The following ZNF780A variants were observed in gnomAD, a reference collection of about 807,000 sequenced individuals.
ZNF780A encodes zinc finger protein 780A.
In ZNF780A, 40 loss-of-function variants were observed where a neutral mutation model predicts 56.7. The ratio of observed to expected loss-of-function variants is 0.71; its 90% confidence interval spans 0.55 to 0.92. The LOEUF is 0.92. ZNF780A is among the 40% of genes least tolerant of loss of function. The pLI, the probability that ZNF780A is intolerant of heterozygous loss-of-function variation, is 0.00. For synonymous variants in ZNF780A, 231 were observed against 248.3 expected (o/e 0.93, Z 0.66); for missense variants, 672 against 783.3 (o/e 0.86, Z 1.70).
Position 40,074,433 on chromosome 19 carries a change from C to G in ZNF780A, c.*83G>C, listed in dbSNP as rs1973954801. ...AAGCCTTTCCCACACCCCTTACATTCACATGGTTTTACACCAGCACGAATA... is the reference window on the plus strand; with the variant it reads ...AAGCCTTTCCCACACCCCTTACATTGACATGGTTTTACACCAGCACGAATA... On this transcript the variant is annotated 3_prime_UTR_variant, in exon 6 of 6. Transcript: ENST00000683561. 1 of 1,575,718 alleles carries G rather than the reference C, an allele frequency of 6.3e-7. No homozygotes were observed. The highest frequency in any genetic ancestry group is 1.2e-5 in the South Asian group (1 of 83,248).
In ZNF780A at chr19:40,087,846, A is replaced by T. The variant is rs78186628; in HGVS notation, c.-46+2320T>A. ...AAAGAAACAGAATAGAGAGGCCCAG[A>T]ATAAATCCATATATTTATAACCAAC... On this transcript the variant is annotated intron_variant, in intron 2 of 5. Transcript: ENST00000683561. Among the ~76,000 whole-genome samples the T allele has an allele frequency of 7.6e-4, 116 of 152,334 alleles. No homozygotes were observed. The East Asian group carries it at 0.02, about 26-fold the overall frequency.
At position 40,075,393 on chromosome 19, in the gene ZNF780A, C is replaced by T. The variant is rs920658723; in HGVS notation, c.1049G>A (p.Arg350Gln). Residue 350 changes from arginine (R) to glutamine (Q), a missense_variant, in exon 6 of 6, where the codon CGA becomes CAA. Transcript: ENST00000683561. ...CTCACCAGTATGAATCTTCTGATGT[C>T]GAACAAGCTTTGTCAGAAGAGTAAA... ...KAFTLLTKLV[R>Q]HQKIHTGEKP... 19 of 1,613,846 alleles carry T rather than the reference C, an allele frequency of 1.2e-5. No individual in the cohort carries two copies. Among genetic ancestry groups the T allele is most frequent in the African/African-American group, 8.0e-5 (6 of 74,840 alleles).
chr19:40,084,586 C>A (rs1974675471), intron 3 of ZNF780A, among the ~76,000 whole-genome samples, 159 bp downstream of exon 3: 1 of 151,804 alleles, frequency 6.6e-6, no homozygotes, highest in Non-Finnish European at 1.5e-5. Flanking sequence ...ATAGGAAGAG[C>A]AGTGACTTTT....
chr19:40,080,786 C>T (rs1367630181), intron 5 of ZNF780A, among the ~76,000 whole-genome samples: 1 of 151,864 alleles, frequency 6.6e-6, no homozygotes, highest in Non-Finnish European at 1.5e-5. Context: ...TGCAATTTAC[C>T]CATATAAAAA....
rs779206515 is a variant in ZNF780A, at chr19:40,074,927, C to A, written c.1515G>T (p.Glu505Asp). Residue 505 changes from glutamate to aspartate, a missense_variant, in exon 6 of 6, where the codon GAG becomes GAT. By Grantham distance (45) the Glu-to-Asp change is conservative. Coordinates refer to ENST00000683561, the MANE Select transcript of ZNF780A (RefSeq NM_001142578.2). ...HTGEKPYECK[E>D]CGKAFRLYLQ... ...GGTAAAGTCTAAAAGCCTTCCCACA[C>A]TCCTTACATTCATAGGGCTTCTCAC... 1 of 1,613,856 alleles carries A rather than the reference C, an allele frequency of 6.2e-7. No individual in the cohort carries two copies. The highest frequency in any genetic ancestry group is 2.2e-5 in the East Asian group (1 of 44,796).
rs766511036 is a variant in ZNF780A, at chr19:40,075,353, G to C, written c.1089C>G (p.Cys363Trp). ...GACTAAAGGCCTTCCCACATTCCCT[G>C]CATTCAAAGGGTTTCTCACCAGTAT... is the stretch of plus-strand genomic sequence containing the variant. The part of the protein sequence containing the change: ...KIHTGEKPFE[C>W]RECGKAFSLL... Residue 363 changes from cysteine (C) to tryptophan (W), a missense_variant, in exon 6 of 6, where the codon TGC (cysteine) becomes TGG (tryptophan). Physicochemically the swap from Cys to Trp is radical, Grantham distance 215. Transcript: ENST00000683561. The C allele has an allele frequency of 6.2e-7, 1 of 1,612,888 alleles. No individual in the cohort carries two copies.
At chr19:40,085,966 G>A (rs991602323) in intron 2 of ZNF780A, among the ~76,000 whole-genome samples, 1 of 150,130 alleles carries the variant, frequency 6.7e-6, no homozygotes, top group Non-Finnish European at 1.5e-5. Flanking sequence ...ATATATATAT[G>A]TGTGTGTGTA....
rs768402180 is a variant in ZNF780A at position 40,083,104 on chromosome 19, A to G, written c.136+7T>C. ...ATATAAAAATAGCTGGGACTCAACG[A>G]CCTTACCCAGTGAGATCAGGTGGCT... On this transcript the variant is annotated splice_region_variant and intron_variant, in intron 4 of 5. Transcript: ENST00000683561. 1 of 1,614,190 alleles carries G rather than the reference A, an allele frequency of 6.2e-7. No individual in the cohort carries two copies.
rs778701160 is a variant in ZNF780A, at chr19:40,081,836, G to C, written c.215C>G (p.Thr72Arg). 1.2e-6 allele frequency: 2 copies of C among 1,611,692 alleles called. No homozygotes were observed. The highest frequency in any genetic ancestry group is 1.7e-5 in the Admixed American group (1 of 59,936). Reference protein sequence around the residue: ...KEPWMVVRKETSRRYPDLELK... With the variant: ...KEPWMVVRKERSRRYPDLELK... ...TCACTTACCTGGATACCGTCTGCTT[G>C]TTTCTTTCCTTACAACCATCCAGGG... The change falls in exon 5 of 6, where the codon ACA (threonine) becomes AGA (arginine). Residue 72 changes from threonine to arginine, a missense_variant. By Grantham distance (71) the Thr-to-Arg change is moderately conservative. Transcript: ENST00000683561.
rs1311058284 is a variant in ZNF780A at position 40,081,790 on chromosome 19, T to C, written c.232+29A>G. On this transcript the variant is annotated intron_variant, in intron 5 of 5. Coordinates refer to ENST00000683561, the MANE Select transcript of ZNF780A (RefSeq NM_001142578.2). ...AGCACATGTCCAGGACAATGATGGC[T>C]TCCCCCCGCCTGCTTTACCCTCACT... is the stretch of plus-strand genomic sequence containing the variant. 10 of 1,573,306 alleles carry C rather than the reference T, an allele frequency of 6.4e-6. No individual in the cohort carries two copies. In the East Asian group the frequency reaches 6.8e-5, roughly 11 times the overall value.
chr19:40,070,342 T>C (rs1299666348), downstream of ZNF780A: 2 of 152,226 alleles, frequency 1.3e-5, no homozygotes, highest in Non-Finnish European at 2.9e-5. Context: ...TCTTTGTTAC[T>C]AAAAATTTAA....
chr19:40,070,589 T>C (rs1973785965), downstream of ZNF780A: 1 of 152,250 alleles, frequency 6.6e-6, no homozygotes, highest in Non-Finnish European at 1.5e-5. Context: ...AAATTCTTTT[T>C]ATAAGTGAAT....
At position 40,073,856 on chromosome 19, in the gene ZNF780A, T is replaced by G; in HGVS notation, c.*660A>C. ...CCACACTCCTTATTGTCACAAAATT[T>G]CTAACTATTCTGAATTTTCTGATGT... On this transcript the variant is annotated 3_prime_UTR_variant, in exon 6 of 6. Transcript: ENST00000683561. 2 of 996,084 alleles carry G rather than the reference T, an allele frequency of 2.0e-6. No individual in the cohort carries two copies. The highest frequency in any genetic ancestry group is 2.4e-6 in the Non-Finnish European group (2 of 836,164). The allele number at this position is 996,084 out of a possible 1,614,324, so 61.7% of individuals were successfully genotyped here.
chr19:40,084,440 A>G (rs774598252), intron 3 of ZNF780A, among the ~76,000 whole-genome samples: 2 of 152,178 alleles, frequency 1.3e-5, no homozygotes, highest in African/African-American at 2.4e-5. Flanking sequence ...TATCAAACCC[A>G]TAAGACCCTG....
intron 3 of ZNF780A, 83 bp from the exon 4 acceptor site, chr19:40,083,320 G>A: frequency 6.4e-7 from 1 of 1,568,806 alleles, no homozygotes. Flanking sequence ...GGAGTGTAGT[G>A]TAAGAAAAAA....
chr19:40,075,382 T>A lies in ZNF780A; in HGVS notation c.1060A>T (p.Ile354Phe), dbSNP rs1269718225. 1.9e-6 allele frequency: 3 copies of A among 1,613,966 alleles called. No homozygotes were observed. Among genetic ancestry groups the A allele is most frequent in the Non-Finnish European group, 2.5e-6 (3 of 1,180,030 alleles). The change falls in exon 6 of 6, where the codon ATT becomes TTT. Residue 354 changes from isoleucine (I) to phenylalanine (F), a missense_variant. Coordinates refer to ENST00000683561, the MANE Select transcript of ZNF780A (RefSeq NM_001142578.2). ...LLTKLVRHQK[I>F]HTGEKPFECR... ...TCAAAGGGTTTCTCACCAGTATGAATCTTCTGATGTCGAACAAGCTTTGTC... is the reference window on the plus strand; with the variant it reads ...TCAAAGGGTTTCTCACCAGTATGAAACTTCTGATGTCGAACAAGCTTTGTC...
At chr19:40,085,455 T>G (rs772414751) in intron 2 of ZNF780A, 18 of 557,098 alleles carry the variant, frequency 3.2e-5, no homozygotes, top group South Asian at 8.0e-5. Context: ...ATGATTACAT[T>G]TGTAAAATAT....
chr19:40,072,913 T>A (rs992618603), downstream of ZNF780A: 1 of 1,550,740 alleles, frequency 6.4e-7, no homozygotes, highest in Non-Finnish European at 8.7e-7. Context: ...GCAATGCAGA[T>A]TCTGCAATGG....
chr19:40,080,184 C>A (rs1042428434), intron 5 of ZNF780A, among the ~76,000 whole-genome samples: 1 of 151,984 alleles, frequency 6.6e-6, no homozygotes, highest in African/African-American at 2.4e-5. Context: ...AAGAAAACTC[C>A]AGGACTGATG....
Sources: gnomAD v4.1 joint callset for allele counts (sites outside exome capture counted in the v4.1 genomes callset) on GRCh38, gnomAD v4.1.1 for gene constraint, MANE v1.5 for transcripts, NCBI Gene and HGNC (gene_info 2026-07-23, HGNC 2026-07-21) for gene names.